The following RPRD1B variants were observed in gnomAD, a reference collection of about 807,000 sequenced individuals.
The protein encoded by RPRD1B is regulation of nuclear pre-mRNA domain containing 1B, also known as regulation of nuclear pre-mRNA domain-containing protein 1B.
Under a neutral mutation model 41.5 loss-of-function variants are expected in RPRD1B, and 11 were observed. That is an observed-to-expected ratio of 0.27 (90% confidence interval 0.17 to 0.44). RPRD1B has a LOEUF of 0.44. Ranked by LOEUF, RPRD1B falls within the 20% of genes least tolerant of loss-of-function variation. The pLI is 1.00. For missense variants in RPRD1B, 248 were observed against 389.9 expected, an observed-to-expected ratio of 0.64 and a Z score of 3.06; for synonymous variants, 158 against 155.6, an observed-to-expected ratio of 1.02 and a Z score of -0.12.
At chr20:38,034,541 C>T (rs1327704502) in intron 1 of RPRD1B, among the ~76,000 whole-genome samples, 1 of 152,190 alleles carries the variant, frequency 6.6e-6, no homozygotes, top group African/African-American at 2.4e-5. Flanking sequence ...TCTTCATCTC[C>T]CTGTGTCTCC....
Position 38,059,480 on chromosome 20 carries a change from C to T in RPRD1B, c.615C>T (p.Pro205=), listed in dbSNP as rs1285011560. Residue 205 remains proline, a synonymous_variant, in exon 5 of 7, where the codon CCC becomes CCT. Coordinates refer to ENST00000373433, the MANE Select transcript of RPRD1B (RefSeq NM_021215.4). ...ATVRQKIASL[P]QEVQDVSLLE... is the part of the protein sequence containing the mutation. ...TCCGACAGAAAATTGCTTCTCTGCC[C>T]CAGGAAGTGCAAGATGTTTCTCTAT... 1 of 1,613,906 alleles carries T rather than the reference C, an allele frequency of 6.2e-7. No individual in the cohort carries two copies. The highest frequency in any genetic ancestry group is 1.7e-5 in the Admixed American group (1 of 59,998).
At chr20:38,047,419 C>A (rs2074131843) in intron 2 of RPRD1B, among the ~76,000 whole-genome samples, 1 of 152,084 alleles carries the variant, frequency 6.6e-6, no homozygotes. Flanking sequence ...CATGGTTTCT[C>A]CTTGAAGTTC....
intron 4 of RPRD1B, among the ~76,000 whole-genome samples, chr20:38,058,357 C>T (rs921633219): frequency 2.6e-5 from 4 of 152,184 alleles, no homozygotes; most frequent in African/African-American, 4.8e-5. Flanking sequence ...TGTTATGTTA[C>T]GGTGTTGAGT....
Position 38,038,490 on chromosome 20 carries a change from GTTTTTTTTTTTT to G in RPRD1B, c.152-1932_152-1921del, listed in dbSNP as rs150397040. On this transcript the variant is annotated intron_variant, in intron 1 of 6. Coordinates refer to ENST00000373433, the MANE Select transcript of RPRD1B (RefSeq NM_021215.4). ...ACGCCCGGCTGATTTTTTTTGTTTT[GTTTTTTTTTTTT>G]TTTTTTTTTTTTGAGACAGAGTCTT... 1.2e-4 allele frequency among the ~76,000 whole-genome samples: 9 copies of G among 76,762 alleles called. No individual in the cohort carries two copies. In the East Asian group the frequency reaches 3.3e-3, roughly 28 times the overall value. The allele number at this position is 76,762 out of a possible 152,430, so 50.4% of individuals were successfully genotyped here.
rs1231588280 is a variant in RPRD1B, at chr20:38,059,509, A to G, written c.644A>G (p.Glu215Gly). 2 of 1,613,842 alleles carry G rather than the reference A, an allele frequency of 1.2e-6. No homozygotes were observed. The highest frequency in any genetic ancestry group is 2.2e-5 in the East Asian group (1 of 44,870). Reference sequence around the variant, plus strand: ...GAAGTGCAAGATGTTTCTCTATTGGAAAAAATAACAGGTGAGAAGGTAGAG... The same window carrying G: ...GAAGTGCAAGATGTTTCTCTATTGGGAAAAATAACAGGTGAGAAGGTAGAG... ...PQEVQDVSLL[E>G]KITDKEAAER... The change falls in exon 5 of 7, where the codon GAA (glutamate) becomes GGA (glycine). Residue 215 changes from glutamate to glycine, a missense_variant. Coordinates refer to ENST00000373433, the MANE Select transcript of RPRD1B (RefSeq NM_021215.4).
At chr20:38,034,417 CA>C (rs1405879939) in intron 1 of RPRD1B, among the ~76,000 whole-genome samples, 1 of 152,192 alleles carries the variant, frequency 6.6e-6, no homozygotes, top group East Asian at 1.9e-4. Context: ...CTGGCCCTAG[CA>C]TGTCGGGCCC....
chr20:38,080,940 G>A (rs989190998), intron 6 of RPRD1B, among the ~76,000 whole-genome samples: 4 of 152,168 alleles, frequency 2.6e-5, no homozygotes, highest in African/African-American at 9.7e-5. Flanking sequence ...TTTGAAGTTG[G>A]GTAATGTGAT....
At chr20:38,055,580 C>T (rs1265300984) in intron 3 of RPRD1B, among the ~76,000 whole-genome samples, 1 of 152,142 alleles carries the variant, frequency 6.6e-6, no homozygotes, top group Admixed American at 6.5e-5. Flanking sequence ...CTGATGCTGG[C>T]AGTGGCAGCA....
In RPRD1B at chr20:38,066,204, A is replaced by T. The variant is rs1285817745; in HGVS notation, c.779A>T (p.Glu260Val). The change falls in exon 6 of 7, where the codon GAG (glutamate) becomes GTG (valine). Residue 260 changes from glutamate (E) to valine (V), a missense_variant. Physicochemically the swap from Glu to Val is moderately radical, Grantham distance 121 (BLOSUM62 -2). This residue lies in a region of RPRD1B where 93 missense variants were observed against 167.2 expected (regional missense o/e 0.56). Coordinates refer to ENST00000373433, the MANE Select transcript of RPRD1B (RefSeq NM_021215.4). ...CGCCAGCTGGCTCGGATGTTGGTGG[A>T]GTATACCCAGAATCAGAAAGATGTT... ...DRRQLARMLV[E>V]YTQNQKDVLS... The T allele has an allele frequency of 3.1e-6, 5 of 1,614,212 alleles. No homozygotes were observed. Among genetic ancestry groups the T allele is most frequent in the Non-Finnish European group, 4.2e-6 (5 of 1,180,038 alleles).
chr20:38,048,668 A>G (rs977928074), intron 3 of RPRD1B, 187 bp downstream of exon 3: 4 of 860,794 alleles, frequency 4.6e-6, no homozygotes, highest in South Asian at 5.3e-5. Context: ...TCTAGTATTC[A>G]TGCTATTCAT....
intron 6 of RPRD1B, among the ~76,000 whole-genome samples, chr20:38,086,835 T>C (rs1011418953): frequency 1.3e-5 from 2 of 152,228 alleles, no homozygotes; most frequent in African/African-American, 4.8e-5. Flanking sequence ...TTTAGTTAAA[T>C]GAGTTTCTTC....
chr20:38,076,438 A>G (rs75724493), intron 6 of RPRD1B, among the ~76,000 whole-genome samples: 1,594 of 152,342 alleles, frequency 0.01, 26 homozygotes, highest in African/African-American at 0.037. Flanking sequence ...AGAAGTCTCC[A>G]GTAAACTAGC....
At chr20:38,066,851 T>G (rs1345826315) in intron 6 of RPRD1B, among the ~76,000 whole-genome samples, 1 of 152,116 alleles carries the variant, frequency 6.6e-6, no homozygotes, top group Non-Finnish European at 1.5e-5. Flanking sequence ...GGGACGGGGT[T>G]TCACCATGTT....
intron 1 of RPRD1B, among the ~76,000 whole-genome samples, chr20:38,039,594 GGGT>G (rs1402557911): frequency 6.6e-6 from 1 of 151,292 alleles, no homozygotes; most frequent in African/African-American, 2.4e-5. Flanking sequence ...AGTAGAGACG[GGGT>G]TTCTCCACGT....
At chr20:38,055,869 T>C (rs1471705633) in intron 3 of RPRD1B, among the ~76,000 whole-genome samples, 1 of 152,186 alleles carries the variant, frequency 6.6e-6, no homozygotes, top group Non-Finnish European at 1.5e-5. Context: ...TCCCTGATCA[T>C]GATTTGGGGG....
intron 6 of RPRD1B, among the ~76,000 whole-genome samples, chr20:38,075,575 T>TTAG (rs1249511655): frequency 6.6e-6 from 1 of 152,264 alleles, no homozygotes; most frequent in Non-Finnish European, 1.5e-5. Flanking sequence ...CTTACTACTG[T>TTAG]TAAGGTGGGC....
At chr20:38,063,213 C>T (rs780910919) in intron 5 of RPRD1B, among the ~76,000 whole-genome samples, 2 of 152,160 alleles carry the variant, frequency 1.3e-5, no homozygotes, top group African/African-American at 2.4e-5. Flanking sequence ...CTTAGCGAAG[C>T]TCACCCTGAC....
chr20:38,081,629 T>C (rs1198749751), intron 6 of RPRD1B, among the ~76,000 whole-genome samples: 1 of 152,314 alleles, frequency 6.6e-6, no homozygotes. Context: ...TGTCTTATTC[T>C]GGCTCTCAAG....
Position 38,089,805 on chromosome 20 carries a change from C to T in RPRD1B, c.911C>T (p.Ser304Leu). ...KSHIQSLPDL[S>L]LLPNVTGGLA... The stretch of plus-strand genomic sequence containing the variant: ...CATATTCAGAGCTTGCCAGACCTCT[C>T]ACTGCTGCCCAACGTCACAGGGGGC... Residue 304 changes from serine (S) to leucine (L), a missense_variant, in exon 7 of 7, where the codon TCA becomes TTA. Transcript: ENST00000373433. 6.2e-7 allele frequency: 1 copy of T among 1,614,210 alleles called. No homozygotes were observed. Among genetic ancestry groups the T allele is most frequent in the Non-Finnish European group, 8.5e-7 (1 of 1,180,034 alleles).
Sources: allele counts gnomAD v4.1 joint callset (sites outside exome capture counted in the v4.1 genomes callset), GRCh38; gene constraint gnomAD v4.1.1; regional missense constraint gnomAD v4.1.1; transcripts MANE v1.5; gene names NCBI Gene and HGNC (gene_info 2026-07-23, HGNC 2026-07-21).